The following SNTB1 variants were observed in gnomAD, a reference collection of about 807,000 sequenced individuals.
The protein encoded by SNTB1 is syntrophin beta 1, also known as beta-1-syntrophin.
SNTB1 carries 36 observed loss-of-function variants against 48.9 expected under a neutral mutation model. The observed-to-expected ratio is 0.74, with a 90% confidence interval of 0.56 to 0.97. SNTB1 has a LOEUF of 0.97. Ranked by LOEUF, SNTB1 falls within the 50% of genes least tolerant of loss-of-function variation. The pLI, the probability that SNTB1 is intolerant of heterozygous loss-of-function variation, is 0.00. For synonymous variants in SNTB1, 299 were observed against 294.6 expected (o/e 1.01, Z -0.15); for missense variants, 786 against 703.4 (o/e 1.12, Z -1.33).
Position 120,632,564 on chromosome 8 carries a change from G to A in SNTB1, c.876C>T (p.Ala292=). Reference sequence around the variant, plus strand: ...GCAGGTCATTAACGTTGGAATGGATGGCACTGAACCATGCCTGGGCCGTGG... The same window carrying A: ...GCAGGTCATTAACGTTGGAATGGATAGCACTGAACCATGCCTGGGCCGTGG... ...DSATAQAWFS[A]IHSNVNDLLT... is the part of the protein sequence containing the mutation. Residue 292 remains alanine (A), a synonymous_variant, in exon 3 of 7, where the codon GCC becomes GCT. Transcript: ENST00000517992. The A allele has an allele frequency of 2.5e-6, 4 of 1,614,118 alleles. No individual in the cohort carries two copies. The highest frequency in any genetic ancestry group is 2.2e-5 in the East Asian group (1 of 44,876).
chr8:120,596,157 C>G (rs552938218), intron 3 of SNTB1, among the ~76,000 whole-genome samples: 1 of 152,188 alleles, frequency 6.6e-6, no homozygotes, highest in Non-Finnish European at 1.5e-5. Flanking sequence ...ACAAGCTTCT[C>G]TTCTTAAATT....
At chr8:120,764,073 C>A (rs1026825486) in intron 1 of SNTB1, among the ~76,000 whole-genome samples, 8 of 152,140 alleles carry the variant, frequency 5.3e-5, no homozygotes, top group Non-Finnish European at 8.8e-5. Context: ...AGAATAAATT[C>A]TAATTCTTGG....
chr8:120,558,353 C>G (rs1039065381), intron 4 of SNTB1, among the ~76,000 whole-genome samples: 1 of 152,102 alleles, frequency 6.6e-6, no homozygotes, highest in African/African-American at 2.4e-5. Context: ...ATACTGGCAC[C>G]CTGGGACGGG....
chr8:120,751,891 A>G (rs550196509), intron 1 of SNTB1, among the ~76,000 whole-genome samples: 1 of 152,176 alleles, frequency 6.6e-6, no homozygotes, highest in South Asian at 2.1e-4. Context: ...TCACTTGTTC[A>G]TCTTGTTCTG....
At chr8:120,732,671 C>T (rs1032015560) in intron 1 of SNTB1, among the ~76,000 whole-genome samples, 4 of 152,090 alleles carry the variant, frequency 2.6e-5, no homozygotes, top group Non-Finnish European at 5.9e-5. Context: ...ATGGGGAAAC[C>T]TCGTCTCTAT....
chr8:120,676,054 TG>T (rs1414482504), intron 2 of SNTB1, among the ~76,000 whole-genome samples: 2 of 152,232 alleles, frequency 1.3e-5, no homozygotes, highest in African/African-American at 4.8e-5. Flanking sequence ...TGCTAAATAT[TG>T]TTATATACAT....
chr8:120,584,311 G>A (rs1191968697), intron 3 of SNTB1, among the ~76,000 whole-genome samples: 3 of 151,764 alleles, frequency 2.0e-5, no homozygotes, highest in Non-Finnish European at 2.9e-5. Context: ...GCCTGGTGGT[G>A]GGTGCCTGTA....
rs1817772905 is a variant in SNTB1, at chr8:120,672,347, A to G, written c.788+21345T>C. Among the ~76,000 whole-genome samples the G allele has an allele frequency of 1.3e-5, 2 of 152,236 alleles. 1 individual carries two copies. The highest frequency in any genetic ancestry group is 4.1e-4 in the South Asian group (2 of 4,836). Reference sequence around the variant, plus strand: ...TATTTTAAAGTGATACCCTAGAGCAACATGTAAGTTACTTGGGACCAGAAA... The same window carrying G: ...TATTTTAAAGTGATACCCTAGAGCAGCATGTAAGTTACTTGGGACCAGAAA... On this transcript the variant is annotated intron_variant, in intron 2 of 6. Transcript: ENST00000517992.
intron 3 of SNTB1, among the ~76,000 whole-genome samples, chr8:120,583,276 G>A (rs960320150): frequency 9.9e-5 from 15 of 151,974 alleles, no homozygotes; most frequent in African/African-American, 3.4e-4. Flanking sequence ...GGCCAAGGTC[G>A]GGGGGATCAC....
At chr8:120,697,907 A>G (rs939443240) in intron 1 of SNTB1, among the ~76,000 whole-genome samples, 34 of 152,236 alleles carry the variant, frequency 2.2e-4, no homozygotes, top group Non-Finnish European at 4.3e-4. Context: ...TGTCAGAAGA[A>G]GGAATTAGGG....
At chr8:120,744,298 C>T (rs554478753) in intron 1 of SNTB1, among the ~76,000 whole-genome samples, 3 of 152,200 alleles carry the variant, frequency 2.0e-5, no homozygotes, top group African/African-American at 4.8e-5. Flanking sequence ...CTCTCCTTTC[C>T]TTCTAAGAAC....
chr8:120,595,465 G>C (rs1013784426), intron 3 of SNTB1, among the ~76,000 whole-genome samples: 5 of 152,086 alleles, frequency 3.3e-5, no homozygotes, highest in African/African-American at 1.2e-4. Flanking sequence ...TCTAAAAGGG[G>C]GAGGCATGAA....
At chr8:120,773,520 C>T (rs1442412181) in intron 1 of SNTB1, among the ~76,000 whole-genome samples, 1 of 152,120 alleles carries the variant, frequency 6.6e-6, no homozygotes, top group African/African-American at 2.4e-5. Context: ...AACTTCCGAA[C>T]ATTTACACTG....
At chr8:120,753,204 T>A (rs181723459) in intron 1 of SNTB1, among the ~76,000 whole-genome samples, 1 of 152,192 alleles carries the variant, frequency 6.6e-6, no homozygotes, top group Non-Finnish European at 1.5e-5. Context: ...GAAACTCATA[T>A]AATACACACC....
intron 2 of SNTB1, among the ~76,000 whole-genome samples, chr8:120,664,373 C>T (rs1176854883): frequency 6.6e-6 from 1 of 152,180 alleles, no homozygotes; most frequent in Non-Finnish European, 1.5e-5. Context: ...TTTCTAATAG[C>T]TTTATTGAGG....
chr8:120,737,474 G>A (rs1305527364), intron 1 of SNTB1, among the ~76,000 whole-genome samples: 1 of 152,156 alleles, frequency 6.6e-6, no homozygotes, highest in Non-Finnish European at 1.5e-5. Context: ...TTCTAAGAGA[G>A]GAAGAAAAGT....
chr8:120,631,745 A>C (rs4433191), intron 3 of SNTB1, among the ~76,000 whole-genome samples: 11,070 of 152,028 alleles, frequency 0.073, 483 homozygotes, highest in East Asian at 0.16. Context: ...ATATCACATA[A>C]CTTGGGAAAA....
At chr8:120,675,192 GT>G (rs2129798223) in intron 2 of SNTB1, among the ~76,000 whole-genome samples, 2 of 152,268 alleles carry the variant, frequency 1.3e-5, no homozygotes, top group South Asian at 4.1e-4. Flanking sequence ...TAAAAAGAAA[GT>G]AACATGGCAG....
At chr8:120,730,757 A>T (rs994071562) in intron 1 of SNTB1, among the ~76,000 whole-genome samples, 48 of 152,240 alleles carry the variant, frequency 3.2e-4, no homozygotes, top group Middle Eastern at 3.4e-3. Flanking sequence ...TTTCATGGTG[A>T]TTTGAACCTT....
Sources: gnomAD v4.1 joint callset for allele counts (sites outside exome capture counted in the v4.1 genomes callset) on GRCh38, gnomAD v4.1.1 for gene constraint, MANE v1.5 for transcripts, NCBI Gene and HGNC (gene_info 2026-07-23, HGNC 2026-07-21) for gene names.